TNS3: variants seen among roughly 807,000 people sequenced by gnomAD.
TNS3 encodes tensin-3.
Under a neutral mutation model 140.9 loss-of-function variants are expected in TNS3, and 45 were observed. That is an observed-to-expected ratio of 0.32 (90% CI 0.25 to 0.41). TNS3 has a LOEUF of 0.41. TNS3 is among the 10% of genes least tolerant of loss of function. TNS3 has a pLI of 1.00. For synonymous variants in TNS3, 815 were observed against 788.4 expected (o/e 1.03, Z -0.56); for missense variants, 1,716 against 1,906.7 (o/e 0.90, Z 1.86).
At chr7:47,575,822 C>CAA (rs10553927) in intron 1 of TNS3, among the ~76,000 whole-genome samples, 88 of 68,146 alleles carry the variant, frequency 1.3e-3, no homozygotes, top group East Asian at 2.1e-3. Context: ...GACTCTGCCT[C>CAA]AAAAAAAAAA....
intron 1 of TNS3, among the ~76,000 whole-genome samples, chr7:47,572,842 G>C (rs1800589622): frequency 6.6e-6 from 1 of 150,734 alleles, no homozygotes; most frequent in Non-Finnish European, 1.5e-5. Context: ...CTGGGCGACA[G>C]AACGAGACTC....
chr7:47,524,887 A>G (rs1480815444), intron 2 of TNS3, among the ~76,000 whole-genome samples: 2 of 145,826 alleles, frequency 1.4e-5, no homozygotes, highest in African/African-American at 2.6e-5. Context: ...GCTGTAGGGG[A>G]GGAGGAGGTA....
chr7:47,386,994 G>A (rs1185972827), intron 16 of TNS3, among the ~76,000 whole-genome samples: 1 of 152,194 alleles, frequency 6.6e-6, no homozygotes, highest in Non-Finnish European at 1.5e-5. Flanking sequence ...TTAGATAACA[G>A]TAACAGAATA....
intron 16 of TNS3, among the ~76,000 whole-genome samples, chr7:47,393,287 G>T (rs959651386): frequency 6.6e-6 from 1 of 152,154 alleles, no homozygotes; most frequent in Non-Finnish European, 1.5e-5. Flanking sequence ...GTAAAAGAAA[G>T]AAAGAAAAGC....
intron 21 of TNS3, 149 bp downstream of exon 21, chr7:47,304,683 T>C (rs890598766): frequency 2.8e-6 from 2 of 724,638 alleles, no homozygotes; most frequent in African/African-American, 3.7e-5. Context: ...ACAGCCCTGG[T>C]CCCCTGCCCC....
At chr7:47,485,388 C>T (rs1225191888) in intron 3 of TNS3, among the ~76,000 whole-genome samples, 1 of 152,240 alleles carries the variant, frequency 6.6e-6, no homozygotes, top group Non-Finnish European at 1.5e-5. Flanking sequence ...GAAGCTGCGT[C>T]TCAGAGAGGG....
At chr7:47,448,789 T>C (rs1477992536) in intron 4 of TNS3, among the ~76,000 whole-genome samples, 2 of 152,192 alleles carry the variant, frequency 1.3e-5, no homozygotes, top group Non-Finnish European at 2.9e-5. Flanking sequence ...AATTTGGTTC[T>C]TTTTTAACCT....
At chr7:47,377,468 A>T (rs901003419) in intron 16 of TNS3, among the ~76,000 whole-genome samples, 2 of 152,162 alleles carry the variant, frequency 1.3e-5, no homozygotes, top group Non-Finnish European at 2.9e-5. Context: ...AAAGGGTGTG[A>T]GGGATGGTTT....
chr7:47,435,372 T>G lies in TNS3; in HGVS notation c.234A>C (p.Ala78=). ...TGGTACACATCTTATCCAGGGGCGG[T>G]GCGTGGAGCTCTGGCCAGCCCACAT... ...IMDVGWPELH[A]PPLDKMCTIC... The change falls in exon 8 of 31, where the codon GCA becomes GCC. Residue 78 remains alanine (A), a synonymous_variant. Coordinates refer to ENST00000311160, the MANE Select transcript of TNS3 (RefSeq NM_022748.12). 1.9e-6 allele frequency: 3 copies of G among 1,613,954 alleles called. No homozygotes were observed. The highest frequency in any genetic ancestry group is 2.5e-6 in the Non-Finnish European group (3 of 1,180,012).
At chr7:47,375,475 C>T (rs1340903585) in intron 16 of TNS3, among the ~76,000 whole-genome samples, 8 of 152,230 alleles carry the variant, frequency 5.3e-5, no homozygotes, top group Admixed American at 5.2e-4. Context: ...AAATACAGAG[C>T]ATACATTCTT....
intron 16 of TNS3, among the ~76,000 whole-genome samples, chr7:47,391,353 C>T (rs768599937): frequency 2.0e-5 from 3 of 152,158 alleles, no homozygotes; most frequent in Non-Finnish European, 2.9e-5. Context: ...TTTCTTCCTG[C>T]GCCCACCCCA....
chr7:47,322,042 A>G (rs2150850204), intron 20 of TNS3, among the ~76,000 whole-genome samples: 1 of 152,140 alleles, frequency 6.6e-6, no homozygotes, highest in African/African-American at 2.4e-5. Flanking sequence ...ATTCTACAAA[A>G]AGATTAAAGG....
At chr7:47,351,416 G>GTC (rs772692577) in intron 17 of TNS3, among the ~76,000 whole-genome samples, 52 of 152,092 alleles carry the variant, frequency 3.4e-4, no homozygotes, top group Non-Finnish European at 7.4e-5. Flanking sequence ...TGCAGCAGGG[G>GTC]TCTCTCTCTC....
chr7:47,497,753 GA>G (rs1798068440), intron 3 of TNS3, among the ~76,000 whole-genome samples: 1 of 151,210 alleles, frequency 6.6e-6, no homozygotes, highest in South Asian at 2.1e-4. Context: ...ACACTGGAGC[GA>G]CGTGTGCCCA....
At chr7:47,308,931 ACAG>A (rs1786917037) in intron 20 of TNS3, among the ~76,000 whole-genome samples, 1 of 152,114 alleles carries the variant, frequency 6.6e-6, no homozygotes, top group Non-Finnish European at 1.5e-5. Flanking sequence ...CAGATCTCCA[ACAG>A]CTCTCTCTCT....
intron 27 of TNS3, among the ~76,000 whole-genome samples, chr7:47,290,923 A>C (rs1212779477): frequency 1.3e-5 from 2 of 152,198 alleles, no homozygotes; most frequent in African/African-American, 4.8e-5. Flanking sequence ...CAAAACCTGA[A>C]AGCACCCACA....
intron 4 of TNS3, among the ~76,000 whole-genome samples, chr7:47,457,170 GGAAGGGAGGGGAGGGGAGGGGA>G: frequency 1.5e-5 from 1 of 64,910 alleles, no homozygotes. Context: ...AGAGGGGAGG[GGAAGGGAGGGGAGGGGAGGGGA>G]GGGGAGAGGC....
At chr7:47,517,690 T>C (rs1798824624) in intron 2 of TNS3, among the ~76,000 whole-genome samples, 1 of 152,070 alleles carries the variant, frequency 6.6e-6, no homozygotes, top group African/African-American at 2.4e-5. Flanking sequence ...TTCATGAATG[T>C]ACACTGCAGT....
chr7:47,342,920 A>G (rs12375125), intron 20 of TNS3, among the ~76,000 whole-genome samples: 71,861 of 152,098 alleles, frequency 0.47, 17,703 homozygotes, highest in Middle Eastern at 0.6. Context: ...TGATGAAAGC[A>G]TCCACTAAGT....
Sources: gnomAD v4.1 joint callset for allele counts (sites outside exome capture counted in the v4.1 genomes callset) on GRCh38, gnomAD v4.1.1 for gene constraint, MANE v1.5 for transcripts, NCBI Gene and HGNC (gene_info 2026-07-23, HGNC 2026-07-21) for gene names.